The following ZFP69 variants were observed in gnomAD, a reference collection of about 807,000 sequenced individuals.
The protein encoded by ZFP69 is ZFP69 zinc finger protein.
A neutral mutation model predicts 48.9 loss-of-function variants in ZFP69; 35 were observed. The ratio of observed to expected loss-of-function variants is 0.72; its 90% CI spans 0.55 to 0.95. The LOEUF is 0.95. Ranked by LOEUF, ZFP69 falls within the 40% of genes least tolerant of loss-of-function variation. The pLI is 0.00. For synonymous variants in ZFP69, 193 were observed against 216.8 expected, an observed-to-expected ratio of 0.89 and a Z score of 0.96; for missense variants, 557 against 638.4, an observed-to-expected ratio of 0.87 and a Z score of 1.37.
chr1:40,487,984 T>C (rs1212417468), intron 3 of ZFP69, among the ~76,000 whole-genome samples: 1 of 146,452 alleles, frequency 6.8e-6, no homozygotes, highest in Admixed American at 7.1e-5. Context: ...GAGGTGGCAG[T>C]GAGCTGAGCT....
intron 3 of ZFP69, among the ~76,000 whole-genome samples, chr1:40,483,082 G>A (rs986067712): frequency 3.3e-5 from 5 of 151,878 alleles, no homozygotes; most frequent in Non-Finnish European, 5.9e-5. Flanking sequence ...CGGGTGGGGT[G>A]GAATAAACTG....
intron 2 of ZFP69, among the ~76,000 whole-genome samples, chr1:40,481,502 G>C (rs187820735): frequency 1.8e-4 from 27 of 152,196 alleles, no homozygotes; most frequent in Admixed American, 1.6e-3. Flanking sequence ...TTGGAGGGGG[G>C]AGTGGGATTT....
chr1:40,480,566 T>TA lies in ZFP69; in HGVS notation c.127+1090dup, dbSNP rs58707291. Among the ~76,000 whole-genome samples, 332 of 144,776 alleles carry TA rather than the reference T, an allele frequency of 2.3e-3. 1 individual carries two copies. Among genetic ancestry groups the TA allele is most frequent in the Middle Eastern group, 7.1e-3 (2 of 280 alleles). The allele number at this position is 144,776 out of a possible 152,430, so 95.0% of individuals were successfully genotyped here. ...ACATTTTAGTCTTTTTAAACTGAGT[T>TA]AAAAAAAAAAAACCATGCAATTTTC... On this transcript the variant is annotated intron_variant, in intron 2 of 5. Coordinates refer to ENST00000372706, the MANE Select transcript of ZFP69 (RefSeq NM_001320179.2).
intron 3 of ZFP69, among the ~76,000 whole-genome samples, chr1:40,486,420 CCCTT>C (rs145923208): frequency 0.069 from 9,254 of 133,798 alleles, 450 homozygotes; most frequent in Middle Eastern, 0.09. Context: ...CTCCCTCCCT[CCCTT>C]CCTTCCTTCC....
chr1:40,478,487 G>A (rs1218939298), intron 1 of ZFP69, among the ~76,000 whole-genome samples: 3 of 152,152 alleles, frequency 2.0e-5, no homozygotes, highest in African/African-American at 7.2e-5. Context: ...GGGTGGTGAC[G>A]TGGCTGTCAC....
intron 5 of ZFP69, among the ~76,000 whole-genome samples, chr1:40,491,785 G>GTATATATA (rs745905179): frequency 6.7e-6 from 1 of 148,752 alleles, no homozygotes; most frequent in African/African-American, 2.5e-5. Context: ...GTGTGTGTGT[G>GTATATATA]TATATATATA....
At chr1:40,480,465 G>GT (rs1273477687) in intron 2 of ZFP69, among the ~76,000 whole-genome samples, 32 of 146,002 alleles carry the variant, frequency 2.2e-4, no homozygotes, top group East Asian at 4.0e-4. Flanking sequence ...TTTGATAGCA[G>GT]TTTTTTTTTT....
intron 5 of ZFP69, 67 bp downstream of exon 5, chr1:40,489,691 T>C: frequency 8.2e-7 from 1 of 1,217,810 alleles, no homozygotes; most frequent in Non-Finnish European, 1.2e-6. Flanking sequence ...TCATAATTTA[T>C]AAAGAAAAGA....
At chr1:40,487,876 G>T (rs1645518323) in intron 3 of ZFP69, among the ~76,000 whole-genome samples, 1 of 151,970 alleles carries the variant, frequency 6.6e-6, no homozygotes, top group African/African-American at 2.4e-5. Flanking sequence ...GTGAAACCCG[G>T]TCTCTACTAA....
chr1:40,489,347 C>A, intron 4 of ZFP69, 133 bp downstream of exon 4: 1 of 1,293,834 alleles, frequency 7.7e-7, no homozygotes, highest in South Asian at 1.4e-5. Flanking sequence ...CCTTTGAAAA[C>A]CAAGTGAGGG....
chr1:40,490,163 G>A (rs1398472554), intron 5 of ZFP69, among the ~76,000 whole-genome samples: 25 of 152,054 alleles, frequency 1.6e-4, no homozygotes, highest in Non-Finnish European at 2.9e-5. Flanking sequence ...ACTGCGCCAG[G>A]CTGGTGCCAG....
intron 5 of ZFP69, chr1:40,490,842 G>T (rs576529770): frequency 1.3e-5 from 2 of 152,176 alleles, no homozygotes; most frequent in African/African-American, 4.8e-5. Flanking sequence ...AAATGTCGGG[G>T]TCCCTAACAA....
In ZFP69 at chr1:40,489,205, G is replaced by C. The variant is rs34752670; in HGVS notation, c.337G>C (p.Val113Leu). The C allele has an allele frequency of 1.4e-3, 2,217 of 1,614,006 alleles. 38 individuals are homozygous for C. The African/African-American group carries it at 0.026, about 19-fold the overall frequency. The stretch of plus-strand genomic sequence containing the variant: ...GATGCTGGAGAACTACAGCAACTTG[G>C]TGTCAGTGGGTAAGACTTGGCTATC... Reference protein sequence around the residue: ...EVMLENYSNLVSVGYQLSKPS... With the variant: ...EVMLENYSNLLSVGYQLSKPS... Residue 113 changes from valine to leucine, a missense_variant, in exon 4 of 6, where the codon GTG (valine) becomes CTG (leucine). By Grantham distance (32) the Val-to-Leu change is conservative. Transcript: ENST00000372706.
chr1:40,495,426 A>C lies in ZFP69; in HGVS notation c.948A>C (p.Thr316=). The change falls in exon 6 of 6, where the codon ACA becomes ACC. Residue 316 remains threonine, a synonymous_variant. Transcript: ENST00000372706. ...RAFSQSASLS[T]HQRIHTGEKP... The stretch of plus-strand genomic sequence containing the variant: ...TTAGTCAAAGTGCATCCCTCAGTAC[A>C]CACCAGAGAATCCATACTGGTGAGA... 3 of 1,614,186 alleles carry C rather than the reference A, an allele frequency of 1.9e-6. No individual in the cohort carries two copies. The highest frequency in any genetic ancestry group is 2.5e-6 in the Non-Finnish European group (3 of 1,180,014).
At chr1:40,490,971 G>A (rs1000119744) in intron 5 of ZFP69, 12 of 152,082 alleles carry the variant, frequency 7.9e-5, no homozygotes, top group African/African-American at 2.9e-4. Context: ...CACAGTTGAA[G>A]CTCCACTGTC....
In ZFP69 at chr1:40,479,316, G is replaced by C. The variant is rs773040163; in HGVS notation, c.-46G>C. The C allele has an allele frequency of 4.3e-6, 7 of 1,610,186 alleles. No homozygotes were observed. Among genetic ancestry groups the C allele is most frequent in the Non-Finnish European group, 5.9e-6 (7 of 1,178,264 alleles). Reference sequence around the variant, plus strand: ...GTGAAGCGTCTCATCAAGAGCTTCTGGCAATTTCCTCACCAGAAGTGGACA... The same window carrying C: ...GTGAAGCGTCTCATCAAGAGCTTCTCGCAATTTCCTCACCAGAAGTGGACA... On this transcript the variant is annotated 5_prime_UTR_variant, in exon 2 of 6. Transcript: ENST00000372706.
intron 5 of ZFP69, 51 bp downstream of exon 5, chr1:40,489,675 G>A: frequency 7.6e-7 from 1 of 1,312,684 alleles, no homozygotes; most frequent in Non-Finnish European, 1.1e-6. Flanking sequence ...AGGAATACCT[G>A]AAACTTCATA....
At position 40,495,101 on chromosome 1, in the gene ZFP69, A is replaced by T. The variant is rs758710455; in HGVS notation, c.623A>T (p.Asp208Val). 6.2e-7 allele frequency: 1 copy of T among 1,614,108 alleles called. No individual in the cohort carries two copies. Reference protein sequence around the residue: ...LERHQETCMRDVRQAILTHKK... With the variant: ...LERHQETCMRVVRQAILTHKK... ...AGGCACCAGGAAACTTGTATGAGAG[A>T]TGTGAGACAAGCCATCTTGACCCAT... is the stretch of plus-strand genomic sequence containing the variant. The change falls in exon 6 of 6, where the codon GAT becomes GTT. Residue 208 changes from aspartate (D) to valine (V), a missense_variant. Transcript: ENST00000372706.
chr1:40,494,255 A>ATTTTT lies in ZFP69; in HGVS notation c.443-666_443-665insTTTTT, dbSNP rs1645598717. Among the ~76,000 whole-genome samples the ATTTTT allele has an allele frequency of 3.3e-3, 408 of 123,786 alleles. 40 individuals carry two copies. Among genetic ancestry groups the ATTTTT allele is most frequent in the Middle Eastern group, 9.3e-3 (2 of 216 alleles). The allele number at this position is 123,786 out of a possible 152,430, so 81.2% of individuals were successfully genotyped here. ...ATTAGAGCAGGACTAAAAGATTCAA[A>ATTTTT]ATTTTTTTTTTTTTTTTTTTTTTTT... On this transcript the variant is annotated intron_variant, in intron 5 of 5. Transcript: ENST00000372706.
Sources: gnomAD v4.1 joint callset for allele counts (sites outside exome capture counted in the v4.1 genomes callset) on GRCh38, gnomAD v4.1.1 for gene constraint, MANE v1.5 for transcripts, NCBI Gene and HGNC (gene_info 2026-07-23, HGNC 2026-07-21) for gene names.